USP24: variants seen among roughly 807,000 people sequenced by gnomAD.
USP24 encodes ubiquitin carboxyl-terminal hydrolase 24.
In USP24, 97 loss-of-function variants were observed where a neutral mutation model predicts 361.6. That is an observed-to-expected ratio of 0.27 (90% CI 0.23 to 0.32). The LOEUF is 0.32. Ranked by LOEUF, USP24 falls within the 10% of genes least tolerant of loss-of-function variation. USP24 has a pLI of 1.00. For missense variants in USP24, 2,353 were observed against 3,165.6 expected (o/e 0.74, Z 6.16); for synonymous variants, 1,098 against 1,124.6 (o/e 0.98, Z 0.47).
At chr1:55,123,687 C>T (rs1646346434) in intron 35 of USP24, 85 bp from the exon 36 acceptor site, 1 of 1,345,228 alleles carries the variant, frequency 7.4e-7, no homozygotes, top group African/African-American at 1.5e-5. Context: ...TTCCAGAATC[C>T]TCATGTGACA....
At chr1:55,128,693 A>C (rs1336870642) in intron 32 of USP24, among the ~76,000 whole-genome samples, 1 of 145,808 alleles carries the variant, frequency 6.9e-6, no homozygotes, top group African/African-American at 2.5e-5. Context: ...TACTTTTTAT[A>C]TATGCCTCTG....
At chr1:55,205,421 C>T (rs961274957) in intron 1 of USP24, among the ~76,000 whole-genome samples, 1 of 152,198 alleles carries the variant, frequency 6.6e-6, no homozygotes, top group African/African-American at 2.4e-5. Context: ...TCAACTGTGA[C>T]TCAAATTCGA....
chr1:55,117,929 T>C (rs1362902505), intron 38 of USP24, among the ~76,000 whole-genome samples: 2 of 151,974 alleles, frequency 1.3e-5, no homozygotes, highest in Non-Finnish European at 2.9e-5. Context: ...GGAACCAACT[T>C]AAGGAAACAA....
Position 55,215,034 on chromosome 1 carries a change from A to T in USP24, c.80T>A (p.Leu27Gln). 6.8e-7 allele frequency: 1 copy of T among 1,475,304 alleles called. No homozygotes were observed. The highest frequency in any genetic ancestry group is 1.3e-5 in the South Asian group (1 of 76,860). 91.4% of individuals were successfully genotyped at this position (1,475,304 alleles called of 1,614,324 possible). The part of the protein sequence containing the change: ...FSDPATIRKA[L>Q]RLAKNDINEA... Reference sequence around the variant, plus strand: ...GTTAATGTCGTTCTTGGCCAGGCGCAGGGCCTTGCGGATGGTGGCGGGGTC... The same window carrying T: ...GTTAATGTCGTTCTTGGCCAGGCGCTGGGCCTTGCGGATGGTGGCGGGGTC... The change falls in exon 1 of 68, where the codon CTG becomes CAG. Residue 27 changes from leucine (L) to glutamine (Q), a missense_variant. By Grantham distance (113) the Leu-to-Gln change is moderately radical. This residue lies in a region of USP24 where 253 missense variants were observed against 255.3 expected (regional missense o/e 0.99). Coordinates refer to ENST00000294383, the MANE Select transcript of USP24 (RefSeq NM_015306.3).
intron 1 of USP24, among the ~76,000 whole-genome samples, chr1:55,200,486 T>C (rs886240937): frequency 6.6e-6 from 1 of 152,318 alleles, no homozygotes; most frequent in African/African-American, 2.4e-5. Flanking sequence ...AACAAATAGT[T>C]ACCATACTAC....
chr1:55,106,003 T>G (rs556428923), intron 41 of USP24, 143 bp downstream of exon 41: 3 of 719,316 alleles, frequency 4.2e-6, no homozygotes, highest in African/African-American at 3.6e-5. Flanking sequence ...AGCCGCTTCA[T>G]GTGCATTTCT....
intron 43 of USP24, among the ~76,000 whole-genome samples, chr1:55,101,206 T>C (rs1208778681): frequency 6.6e-6 from 1 of 152,196 alleles, no homozygotes; most frequent in Non-Finnish European, 1.5e-5. Flanking sequence ...CTACAGGAAA[T>C]AAGCGTAGCC....
chr1:55,201,388 G>T lies in USP24; in HGVS notation c.324+13402C>A, dbSNP rs183478808. On this transcript the variant is annotated intron_variant, in intron 1 of 67. Transcript: ENST00000294383. ...GAGGCCAAGGCAGGTGGATCACGAG[G>T]TCAGGAGTTTGAGACCAGCCTGGCC... Among the ~76,000 whole-genome samples the T allele has an allele frequency of 1.3e-4, 19 of 151,618 alleles. 1 individual carries two copies. In the East Asian group the frequency reaches 3.7e-3, roughly 29 times the overall value.
intron 1 of USP24, among the ~76,000 whole-genome samples, chr1:55,213,760 G>A (rs1644907698): frequency 1.3e-5 from 2 of 151,946 alleles, no homozygotes; most frequent in Admixed American, 1.3e-4. Context: ...CTTTATTATA[G>A]AAGAGTCCGT....
chr1:55,184,423 A>T (rs2100848644), intron 1 of USP24, among the ~76,000 whole-genome samples: 2 of 152,310 alleles, frequency 1.3e-5, no homozygotes, highest in East Asian at 3.9e-4. Context: ...ATAAACACAT[A>T]AGCATCTAAC....
intron 54 of USP24, among the ~76,000 whole-genome samples, 192 bp downstream of exon 54, chr1:55,091,831 T>A (rs1235855873): frequency 6.6e-6 from 1 of 152,216 alleles, no homozygotes; most frequent in Non-Finnish European, 1.5e-5. Flanking sequence ...AATTGTCTTT[T>A]TAGGTATTTC....
At chr1:55,147,135 C>CT (rs1647049600) in intron 18 of USP24, 75 bp from the exon 19 acceptor site, 3 of 1,399,130 alleles carry the variant, frequency 2.1e-6, no homozygotes, top group East Asian at 2.6e-5. Flanking sequence ...CAAAACAAAA[C>CT]TTTAAGTTTT....
rs1645549836 is a variant in USP24 at position 55,098,570 on chromosome 1, A to G, written c.5371-12T>C. ...TCTCTCCCCATTTTCTGTTGGAATG[A>G]AAAGTTACAGTTTTAAGTGATGCCT... On this transcript the variant is annotated splice_polypyrimidine_tract_variant and intron_variant, in intron 45 of 67. Transcript: ENST00000294383. 2.5e-6 allele frequency: 4 copies of G among 1,595,836 alleles called. No homozygotes were observed. The highest frequency in any genetic ancestry group is 3.4e-6 in the Non-Finnish European group (4 of 1,165,654).
intron 52 of USP24, 93 bp downstream of exon 52, chr1:55,093,844 C>T (rs1570384799): frequency 1.3e-6 from 2 of 1,524,244 alleles, no homozygotes; most frequent in East Asian, 2.3e-5. Flanking sequence ...CCCAGTGGTA[C>T]AACTAATCCA....
intron 21 of USP24, 55 bp downstream of exon 21, chr1:55,144,072 T>C (rs1570531251): frequency 1.5e-6 from 2 of 1,378,260 alleles, no homozygotes; most frequent in East Asian, 2.5e-5. Context: ...TTTTGCTGAA[T>C]ATCAAGTTAT....
intron 1 of USP24, among the ~76,000 whole-genome samples, chr1:55,184,646 C>T (rs982569089): frequency 2.0e-5 from 3 of 152,112 alleles, no homozygotes; most frequent in Non-Finnish European, 4.4e-5. Flanking sequence ...TCCTCAAGTG[C>T]GCATGAAATA....
chr1:55,162,200 T>C lies in USP24; in HGVS notation c.992A>G (p.Gln331Arg). The C allele has an allele frequency of 6.3e-7, 1 of 1,593,340 alleles. No homozygotes were observed. Among genetic ancestry groups the C allele is most frequent in the South Asian group, 1.2e-5 (1 of 86,420 alleles). ...TAATGTGAAATGGTTTAATCCTACC[T>C]GTACCACGGAGGAATTGAGGTACTC... The part of the protein sequence containing the change: ...CAEYLNSSVV[Q>R]PMLDPVILTT... Residue 331 changes from glutamine to arginine, a missense_variant and splice_region_variant, in exon 8 of 68, where the codon CAG becomes CGG. This residue lies in a region of USP24 where 386 missense variants were observed against 560.5 expected (regional missense o/e 0.69). Transcript: ENST00000294383.
chr1:55,211,963 G>GT (rs1644857069), intron 1 of USP24, among the ~76,000 whole-genome samples: 1 of 152,132 alleles, frequency 6.6e-6, no homozygotes, highest in Non-Finnish European at 1.5e-5. Flanking sequence ...TCTTCACCCA[G>GT]TTTTTTTACT....
At chr1:55,083,168 A>T in intron 58 of USP24, 104 bp downstream of exon 58, 1 of 1,114,910 alleles carries the variant, frequency 9.0e-7, no homozygotes. Context: ...TGGTACTACT[A>T]CTTAGACTTT....
Sources: allele counts gnomAD v4.1 joint callset (sites outside exome capture counted in the v4.1 genomes callset), GRCh38; gene constraint gnomAD v4.1.1; regional missense constraint gnomAD v4.1.1; transcripts MANE v1.5; gene names NCBI Gene and HGNC (gene_info 2026-07-23, HGNC 2026-07-21).